The following MAGI3 variants were observed in gnomAD, a reference collection of about 807,000 sequenced individuals.
MAGI3 encodes membrane associated guanylate kinase, WW and PDZ domain containing 3.
MAGI3 carries 43 observed loss-of-function variants against 121.8 expected under a neutral mutation model. The ratio of observed to expected loss-of-function variants is 0.35; its 90% CI spans 0.28 to 0.46. MAGI3 has a LOEUF of 0.46. Among genes scored for constraint, MAGI3 ranks in the 20% least tolerant of loss-of-function variants. The pLI is 1.00. For missense variants in MAGI3, 1,547 were observed against 1,797.3 expected (o/e 0.86, Z 2.52); for synonymous variants, 553 against 639.3 (o/e 0.86, Z 2.04).
chr1:113,679,350 G>C (rs1208729934), intron 19 of MAGI3, among the ~76,000 whole-genome samples: 2 of 152,036 alleles, frequency 1.3e-5, no homozygotes, highest in South Asian at 2.1e-4. Flanking sequence ...GAGAACATGA[G>C]GTATTTGGTT....
chr1:113,417,376 C>T (rs371308389), intron 1 of MAGI3, among the ~76,000 whole-genome samples: 41 of 152,170 alleles, frequency 2.7e-4, no homozygotes, highest in African/African-American at 7.7e-4. Flanking sequence ...AGTATAGCCA[C>T]GTCTTAAATT....
chr1:113,552,468 A>G (rs1659825570), intron 2 of MAGI3, among the ~76,000 whole-genome samples: 1 of 152,104 alleles, frequency 6.6e-6, no homozygotes, highest in Non-Finnish European at 1.5e-5. Context: ...GTAACTTGAT[A>G]TTTTGCCTGC....
At chr1:113,581,140 A>G (rs1647998656) in intron 3 of MAGI3, 1 of 152,212 alleles carries the variant, frequency 6.6e-6, no homozygotes, top group Non-Finnish European at 1.5e-5. Context: ...TTCCATTGAT[A>G]TTTGATATTT....
intron 9 of MAGI3, among the ~76,000 whole-genome samples, chr1:113,625,743 G>T (rs558218088): frequency 1.3e-5 from 2 of 152,246 alleles, no homozygotes; most frequent in South Asian, 4.1e-4. Flanking sequence ...GAGTAACAGT[G>T]GTGAAAGTGG....
At chr1:113,504,403 A>AT (rs1447218701) in intron 1 of MAGI3, among the ~76,000 whole-genome samples, 9 of 152,136 alleles carry the variant, frequency 5.9e-5, no homozygotes, top group African/African-American at 2.2e-4. Context: ...GGCAAAGGAT[A>AT]TGAATAGGCA....
chr1:113,628,742 T>C (rs1453969683), intron 9 of MAGI3, among the ~76,000 whole-genome samples: 4 of 152,182 alleles, frequency 2.6e-5, no homozygotes, highest in African/African-American at 9.6e-5. Context: ...CATGCCACTC[T>C]CTCCTGCCCT....
intron 1 of MAGI3, among the ~76,000 whole-genome samples, chr1:113,542,784 GAGAA>G (rs1490687762): frequency 2.6e-5 from 4 of 152,116 alleles, no homozygotes; most frequent in Admixed American, 6.5e-5. Context: ...CAAACACACA[GAGAA>G]AGAGAGAGGG....
intron 2 of MAGI3, among the ~76,000 whole-genome samples, chr1:113,550,254 C>CAAAAA (rs200738964): frequency 7.3e-6 from 1 of 136,938 alleles, no homozygotes; most frequent in Non-Finnish European, 1.6e-5. Flanking sequence ...ACTAAAAATA[C>CAAAAA]AAAAAAAAAA....
At chr1:113,619,285 G>T (rs959892106) in intron 7 of MAGI3, among the ~76,000 whole-genome samples, 2 of 152,160 alleles carry the variant, frequency 1.3e-5, no homozygotes, top group African/African-American at 4.8e-5. Flanking sequence ...CAGTGGAAAA[G>T]TAATAGTAAT....
chr1:113,623,500 T>A (rs1651002880), intron 9 of MAGI3, among the ~76,000 whole-genome samples: 1 of 60,648 alleles, frequency 1.6e-5, no homozygotes, highest in African/African-American at 8.0e-5. Flanking sequence ...ATATATATTT[T>A]TTTTTGAGAC....
intron 1 of MAGI3, among the ~76,000 whole-genome samples, chr1:113,406,764 A>T (rs927438621): frequency 1.3e-5 from 2 of 152,114 alleles, no homozygotes; most frequent in African/African-American, 4.8e-5. Flanking sequence ...ATAAAAAAAA[A>T]AATTTCCTCT....
chr1:113,625,953 G>GT (rs997840347), intron 9 of MAGI3, among the ~76,000 whole-genome samples: 6 of 151,946 alleles, frequency 3.9e-5, no homozygotes, highest in African/African-American at 9.6e-5. Context: ...AATTATTATA[G>GT]TTTTTTTGTT....
At chr1:113,641,129 T>A (rs61819459) in intron 9 of MAGI3, among the ~76,000 whole-genome samples, 20,073 of 38,648 alleles carry the variant, frequency 0.52, 5,849 homozygotes, top group African/African-American at 0.74. Flanking sequence ...AGATATATAT[T>A]ATATATATGA....
intron 1 of MAGI3, among the ~76,000 whole-genome samples, chr1:113,425,031 C>T (rs576344845): frequency 2.4e-4 from 37 of 151,704 alleles, no homozygotes; most frequent in African/African-American, 7.5e-4. Context: ...TGGTGGCAGG[C>T]GCCTGTAATC....
chr1:113,486,808 C>T (rs544901481), intron 1 of MAGI3, among the ~76,000 whole-genome samples: 1 of 152,082 alleles, frequency 6.6e-6, no homozygotes, highest in Admixed American at 6.5e-5. Context: ...TGTGCCACCA[C>T]GTGGCTTTAT....
intron 1 of MAGI3, among the ~76,000 whole-genome samples, chr1:113,494,144 T>A (rs1019090446): frequency 2.0e-5 from 3 of 152,114 alleles, no homozygotes; most frequent in African/African-American, 7.2e-5. Context: ...AATGATAGAA[T>A]GGATAAAGGA....
chr1:113,442,003 T>A (rs1328964260), intron 1 of MAGI3, among the ~76,000 whole-genome samples: 2 of 152,198 alleles, frequency 1.3e-5, no homozygotes, highest in Admixed American at 1.3e-4. Flanking sequence ...AATCGAATAA[T>A]TGTTTACTTT....
intron 1 of MAGI3, among the ~76,000 whole-genome samples, chr1:113,447,497 C>T (rs1222088440): frequency 2.6e-5 from 4 of 152,092 alleles, no homozygotes; most frequent in South Asian, 2.1e-4. Context: ...TAAACTTCAA[C>T]GTAACTTTGG....
Position 113,684,043 on chromosome 1 carries a change from T to G in MAGI3, c.*29T>G, listed in dbSNP as rs1329299293. ...TTAGTATAAAACAAAGAAAAACAAG[T>G]TGTAATCTTTTCTTACAGCAGCATT... On this transcript the variant is annotated 3_prime_UTR_variant, in exon 21 of 21. Coordinates refer to ENST00000307546, the MANE Select transcript of MAGI3 (RefSeq NM_001142782.2). 6.7e-7 allele frequency: 1 copy of G among 1,487,782 alleles called. No homozygotes were observed. The highest frequency in any genetic ancestry group is 8.9e-7 in the Non-Finnish European group (1 of 1,123,330). 92.2% of individuals were successfully genotyped at this position (1,487,782 alleles called of 1,614,324 possible).
Sources: allele counts gnomAD v4.1 joint callset (sites outside exome capture counted in the v4.1 genomes callset), GRCh38; gene constraint gnomAD v4.1.1; transcripts MANE v1.5; gene names NCBI Gene and HGNC (gene_info 2026-07-23, HGNC 2026-07-21).